PLEKHG5: variants seen among roughly 807,000 people sequenced by gnomAD.
PLEKHG5 encodes the protein pleckstrin homology and RhoGEF domain containing G5.
Under a neutral mutation model 103.8 loss-of-function variants are expected in PLEKHG5, and 52 were observed. The ratio of observed to expected loss-of-function variants is 0.50; its 90% confidence interval spans 0.40 to 0.63. The LOEUF is 0.63. PLEKHG5 is among the 30% of genes least tolerant of loss of function. The pLI is 0.00. For synonymous variants in PLEKHG5, 592 were observed against 575.5 expected (o/e 1.03, Z -0.41); for missense variants, 1,205 against 1,347.6 (o/e 0.89, Z 1.66).
chr1:6,513,076 G>A (rs762708665), intron 1 of PLEKHG5, among the ~76,000 whole-genome samples: 3 of 152,242 alleles, frequency 2.0e-5, no homozygotes, highest in Non-Finnish European at 2.9e-5. Flanking sequence ...TGGTGGAATC[G>A]GTAGCTCCTC....
At chr1:6,489,760 C>A (rs1645111744) in intron 1 of PLEKHG5, among the ~76,000 whole-genome samples, 1 of 152,204 alleles carries the variant, frequency 6.6e-6, no homozygotes, top group Non-Finnish European at 1.5e-5. Flanking sequence ...CCTCAATTTG[C>A]CCACCTGTGC....
Position 6,471,499 on chromosome 1 carries a change from C to T in PLEKHG5, c.1270G>A (p.Gly424Ser), listed in dbSNP as rs1366436495. The part of the protein sequence containing the change: ...ALLQPGDFLK[G>S]FKMFGSLFKP... The stretch of plus-strand genomic sequence containing the variant: ...GGCCCCGCCCGTACCATCTTGAAGC[C>T]TTTGAGGAAGTCCCCGGGCTGTAGC... The change falls in exon 12 of 21, where the codon GGC (glycine) becomes AGC (serine). Residue 424 changes from glycine to serine, a missense_variant. Transcript: ENST00000377728. 9 of 1,610,572 alleles carry T rather than the reference C, an allele frequency of 5.6e-6. No individual in the cohort carries two copies. The highest frequency in any genetic ancestry group is 7.6e-6 in the Non-Finnish European group (9 of 1,179,108).
At chr1:6,482,116 T>TG (rs1467309737) in intron 1 of PLEKHG5, among the ~76,000 whole-genome samples, 1 of 152,048 alleles carries the variant, frequency 6.6e-6, no homozygotes, top group Non-Finnish European at 1.5e-5. Flanking sequence ...TTGAAATGCA[T>TG]GGCTCCCTGC....
rs372143370 is a variant in PLEKHG5 at position 6,468,222 on chromosome 1, G to A, written c.2614C>T (p.His872Tyr). 38 of 1,589,348 alleles carry A rather than the reference G, an allele frequency of 2.4e-5. No individual in the cohort carries two copies. The African/African-American group carries it at 5.0e-4, about 21-fold the overall frequency. ...TPVQLLSCPP[H>Y]LLKSKSEASL... Reference sequence around the variant, plus strand: ...GCCTCGGACTTAGACTTGAGCAGGTGGGGCGGGCAGCTCAACAGCTGGACA... The same window carrying A: ...GCCTCGGACTTAGACTTGAGCAGGTAGGGCGGGCAGCTCAACAGCTGGACA... Residue 872 changes from histidine (H) to tyrosine (Y), a missense_variant, in exon 20 of 21, where the codon CAC (histidine) becomes TAC (tyrosine). By Grantham distance (83) the His-to-Tyr change is moderately conservative. Transcript: ENST00000377728.
At chr1:6,489,250 C>G (rs781706223) in intron 1 of PLEKHG5, among the ~76,000 whole-genome samples, 12 of 152,212 alleles carry the variant, frequency 7.9e-5, no homozygotes, top group African/African-American at 2.9e-4. Context: ...CCAGCCAGGG[C>G]GGGGTGGCTT....
intron 1 of PLEKHG5, among the ~76,000 whole-genome samples, chr1:6,503,871 T>C (rs1638222755): frequency 6.6e-6 from 1 of 152,110 alleles, no homozygotes; most frequent in African/African-American, 2.4e-5. Flanking sequence ...TTCATAGATG[T>C]GATTCCTGCA....
rs1286569556 is a variant in PLEKHG5 at position 6,486,874 on chromosome 1, A to G, written c.-88+4763T>C. 6.6e-6 allele frequency among the ~76,000 whole-genome samples: 1 copy of G among 151,858 alleles called. No individual in the cohort carries two copies. Among genetic ancestry groups the G allele is most frequent in the Non-Finnish European group, 1.5e-5 (1 of 67,936 alleles). ...GATTCTGGGATGGCCTCCTTGGGAC[A>G]CTCCTCAGAACCCATGGGGGTGAGG... is the stretch of plus-strand genomic sequence containing the variant. On this transcript the variant is annotated intron_variant, in intron 1 of 20. Coordinates refer to ENST00000377728, the MANE Select transcript of PLEKHG5 (RefSeq NM_020631.6). The surrounding 1 kb of genome is among the most constrained non-coding windows in gnomAD (Gnocchi z 5.3).
intron 12 of PLEKHG5, 87 bp downstream of exon 12, chr1:6,471,401 G>GC (rs1185501445): frequency 7.0e-7 from 1 of 1,436,180 alleles, no homozygotes; most frequent in East Asian, 2.4e-5. Context: ...GGTTGGGGAT[G>GC]CTGGGCAGAC....
At chr1:6,472,297 G>T (rs529638782) in intron 10 of PLEKHG5, among the ~76,000 whole-genome samples, 1 of 152,256 alleles carries the variant, frequency 6.6e-6, no homozygotes, top group Non-Finnish European at 1.5e-5. Context: ...GAAAGTGAAA[G>T]AATGAGGCCT....
chr1:6,519,437 A>G (rs774444248), intron 1 of PLEKHG5: 11 of 1,606,780 alleles, frequency 6.8e-6, no homozygotes, highest in Non-Finnish European at 9.4e-6. Context: ...GATAGAAAAC[A>G]TACTCACCGG....
rs1462103291 is a variant in PLEKHG5, at chr1:6,474,166, TG to T, written c.440-3del. ...CCTCATCTCCAGGCTTGGCTGGGGC[TG>T]CATGTGGGGGCCACGAGAGATCCTC... On this transcript the variant is annotated splice_polypyrimidine_tract_variant and splice_region_variant and intron_variant, in intron 6 of 20. Transcript: ENST00000377728. The T allele has an allele frequency of 6.2e-7, 1 of 1,613,328 alleles. No individual in the cohort carries two copies. The highest frequency in any genetic ancestry group is 1.3e-5 in the African/African-American group (1 of 75,038).
At chr1:6,480,404 C>G (rs1487132943) in intron 1 of PLEKHG5, among the ~76,000 whole-genome samples, 1 of 151,702 alleles carries the variant, frequency 6.6e-6, no homozygotes, top group African/African-American at 2.4e-5. Flanking sequence ...GCAGCGTACG[C>G]CTGTAGTCCC....
chr1:6,471,921 C>G, intron 10 of PLEKHG5, 113 bp from the exon 11 acceptor site: 3 of 1,027,888 alleles, frequency 2.9e-6, no homozygotes, highest in Non-Finnish European at 4.5e-6. Flanking sequence ...CCAGGAGGCC[C>G]CACAGCAGCC....
intron 14 of PLEKHG5, 28 bp from the exon 15 acceptor site, chr1:6,470,671 C>A (rs1418842141): frequency 6.4e-7 from 1 of 1,557,728 alleles, no homozygotes; most frequent in South Asian, 1.2e-5. Context: ...AGCTTCAGGT[C>A]CAGGGTCATG....
At position 6,477,573 on chromosome 1, in the gene PLEKHG5, G is replaced by A; in HGVS notation, c.-2C>T. ...GCGGACATGCCCATCATAATGCATG[G>A]TGCTGTGGAACTTGCTGTCACAGGC... On this transcript the variant is annotated 5_prime_UTR_variant, in exon 2 of 21. Coordinates refer to ENST00000377728, the MANE Select transcript of PLEKHG5 (RefSeq NM_020631.6). 6.2e-7 allele frequency: 1 copy of A among 1,612,540 alleles called. No homozygotes were observed. Among genetic ancestry groups the A allele is most frequent in the Non-Finnish European group, 8.5e-7 (1 of 1,179,962 alleles).
At chr1:6,488,167 G>C (rs188126039) in intron 1 of PLEKHG5, among the ~76,000 whole-genome samples, 18 of 152,340 alleles carry the variant, frequency 1.2e-4, no homozygotes, top group Non-Finnish European at 2.1e-4. Context: ...ATTTCACTGA[G>C]CATTCCATGT....
At chr1:6,482,160 C>T (rs778205106) in intron 1 of PLEKHG5, among the ~76,000 whole-genome samples, 2 of 152,148 alleles carry the variant, frequency 1.3e-5, no homozygotes, top group Non-Finnish European at 2.9e-5. Flanking sequence ...CCCCCCAAGT[C>T]ACCTTCTCAT....
At position 6,487,011 on chromosome 1, in the gene PLEKHG5, G is replaced by A. The variant is rs1645052682; in HGVS notation, c.-88+4626C>T. 6.6e-6 allele frequency among the ~76,000 whole-genome samples: 1 copy of A among 152,192 alleles called. No individual in the cohort carries two copies. Among genetic ancestry groups the A allele is most frequent in the Non-Finnish European group, 1.5e-5 (1 of 68,028 alleles). On this transcript the variant is annotated intron_variant, in intron 1 of 20. Transcript: ENST00000377728. The surrounding 1 kb of genome is among the most constrained non-coding windows in gnomAD (Gnocchi z 4.1). The stretch of plus-strand genomic sequence containing the variant: ...CAGGGTCCGTGAGATGGCTTTGGGA[G>A]GGCAGCAGCGTTTTATTAGAGGCTG...
chr1:6,505,999 C>T lies in PLEKHG5; in HGVS notation c.-164-9430G>A, dbSNP rs1026473749. The T allele has an allele frequency of 1.3e-5, 2 of 152,590 alleles. No individual in the cohort carries two copies. Among genetic ancestry groups the T allele is most frequent in the Non-Finnish European group, 2.9e-5 (2 of 68,080 alleles). The allele number at this position is 152,590 out of a possible 1,614,324, so 9.5% of individuals were successfully genotyped here. ...CCCGGTGCCAGAGCCTGCTGAAAGT[C>T]CTCCCGGGAGGTGGGTTCGCACCTA... On this transcript the variant is annotated intron_variant, in intron 1 of 21. Coordinates refer to the PLEKHG5 transcript ENST00000377740. The surrounding 1 kb of genome is among the most constrained non-coding windows in gnomAD (Gnocchi z 4.2).
Sources: allele counts gnomAD v4.1 joint callset (sites outside exome capture counted in the v4.1 genomes callset), GRCh38; gene constraint gnomAD v4.1.1; non-coding constraint Gnocchi (gnomAD v3.1); transcripts MANE v1.5; gene names NCBI Gene and HGNC (gene_info 2026-07-23, HGNC 2026-07-21).